Variants in TCEA3 observed in about 807,000 individuals in gnomAD.
TCEA3 encodes the protein transcription elongation factor A3.
A neutral mutation model predicts 44.0 loss-of-function variants in TCEA3; 36 were observed. That is an observed-to-expected ratio of 0.82 (90% CI 0.63 to 1.08). The LOEUF (loss-of-function observed/expected upper bound fraction) is 1.08, where lower values mean the gene tolerates loss of function less well. Among genes scored for constraint, TCEA3 ranks in the 50% least tolerant of loss-of-function variants. The pLI is 0.00. For synonymous variants in TCEA3, 162 were observed against 159.7 expected, an observed-to-expected ratio of 1.01 and a Z score of -0.11; for missense variants, 392 against 441.2, an observed-to-expected ratio of 0.89 and a Z score of 1.00.
intron 8 of TCEA3, among the ~76,000 whole-genome samples, chr1:23,392,388 A>ACC (rs1639060106): frequency 6.7e-4 from 4 of 6,000 alleles, no homozygotes; most frequent in South Asian, 4.7e-3. Flanking sequence ...CATCATACAC[A>ACC]AAACACACTC....
chr1:23,404,728 G>A (rs1639494676), intron 5 of TCEA3, among the ~76,000 whole-genome samples: 1 of 152,110 alleles, frequency 6.6e-6, no homozygotes, highest in Non-Finnish European at 1.5e-5. Flanking sequence ...GGTGGTTGAG[G>A]CAGGAGGATT....
At chr1:23,398,207 G>A (rs1393349154) in intron 5 of TCEA3, among the ~76,000 whole-genome samples, 1 of 152,116 alleles carries the variant, frequency 6.6e-6, no homozygotes, top group Non-Finnish European at 1.5e-5. Context: ...GTATCTAAAG[G>A]TGCACTTGGC....
At chr1:23,401,527 G>C (rs1639392889) in intron 5 of TCEA3, among the ~76,000 whole-genome samples, 1 of 152,058 alleles carries the variant, frequency 6.6e-6, no homozygotes, top group South Asian at 2.1e-4. Flanking sequence ...GTGAGGAAAG[G>C]CTGGACAGGG....
intron 7 of TCEA3, 57 bp downstream of exon 7, chr1:23,397,488 G>T: frequency 6.5e-7 from 1 of 1,537,810 alleles, no homozygotes; most frequent in South Asian, 1.2e-5. Flanking sequence ...CTTGCACCTT[G>T]GATGGGTGCT....
intron 8 of TCEA3, among the ~76,000 whole-genome samples, chr1:23,392,475 C>A (rs1026404194): frequency 4.8e-3 from 56 of 11,694 alleles, no homozygotes; most frequent in South Asian, 0.012. Context: ...ATCATACACA[C>A]CACACACTCC....
At chr1:23,424,133 TGCCACTTCTCGG>T (rs1223564231) in intron 1 of TCEA3, among the ~76,000 whole-genome samples, 2 of 151,272 alleles carry the variant, frequency 1.3e-5, no homozygotes, top group African/African-American at 4.9e-5. Flanking sequence ...CAAGTTTCTC[TGCCACTTCTCGG>T]GCCACCCGGA....
chr1:23,383,235 A>C (rs973027415), intron 10 of TCEA3, among the ~76,000 whole-genome samples: 9 of 149,818 alleles, frequency 6.0e-5, no homozygotes, highest in Non-Finnish European at 1.3e-4. Flanking sequence ...AGCAGAGATC[A>C]CACCACTGCA....
intron 10 of TCEA3, among the ~76,000 whole-genome samples, chr1:23,382,048 A>AT (rs1235082766): frequency 1.1e-5 from 1 of 89,734 alleles, no homozygotes; most frequent in Non-Finnish European, 3.2e-5. Context: ...TATCACTCCC[A>AT]ATTTTTTTTT....
At chr1:23,387,717 G>C (rs988092133) in intron 8 of TCEA3, among the ~76,000 whole-genome samples, 2 of 152,182 alleles carry the variant, frequency 1.3e-5, no homozygotes, top group African/African-American at 4.8e-5. Context: ...GGCTCATCCT[G>C]CCTGCCAGGA....
intron 1 of TCEA3, 146 bp from the exon 2 acceptor site, chr1:23,419,285 G>C: frequency 1.8e-6 from 1 of 560,672 alleles, no homozygotes; most frequent in Non-Finnish European, 3.1e-6. Context: ...GGAGAGAGAC[G>C]AGAAACAATC....
chr1:23,388,423 C>T (rs1326940445), intron 8 of TCEA3, among the ~76,000 whole-genome samples: 1 of 152,048 alleles, frequency 6.6e-6, no homozygotes, highest in African/African-American at 2.4e-5. Flanking sequence ...GTCTCGATCT[C>T]CTGACCTTGT....
rs6673904 is a variant in TCEA3, at chr1:23,413,004, C to T, written c.380+4245G>A. Among the ~76,000 whole-genome samples, 622 of 152,324 alleles carry T rather than the reference C, an allele frequency of 4.1e-3. 4 individuals are homozygous for T. Among genetic ancestry groups the T allele is most frequent in the African/African-American group, 0.014 (589 of 41,558 alleles). Reference sequence around the variant, plus strand: ...ATACCTCTCCATTTTCTGCTCAGCACCAGCGACAGCTTCATTTCTGAGCCC... The same window carrying T: ...ATACCTCTCCATTTTCTGCTCAGCATCAGCGACAGCTTCATTTCTGAGCCC... On this transcript the variant is annotated intron_variant, in intron 4 of 10. Coordinates refer to ENST00000450454, the MANE Select transcript of TCEA3 (RefSeq NM_003196.3).
intron 2 of TCEA3, 95 bp downstream of exon 2, chr1:23,418,982 C>T: frequency 1.2e-6 from 1 of 851,686 alleles, no homozygotes. Context: ...CTCAGAAATT[C>T]CTCCCAGACT....
intron 5 of TCEA3, among the ~76,000 whole-genome samples, chr1:23,406,617 C>T (rs901216590): frequency 6.6e-6 from 1 of 152,078 alleles, no homozygotes; most frequent in Non-Finnish European, 1.5e-5. Context: ...AATGACTCTA[C>T]AATTTTTGTT....
chr1:23,381,351 C>T lies in TCEA3; in HGVS notation c.*115G>A. 3 of 742,828 alleles carry T rather than the reference C, an allele frequency of 4.0e-6. No homozygotes were observed. Among genetic ancestry groups the T allele is most frequent in the South Asian group, 1.5e-5 (1 of 67,756 alleles). The allele number at this position is 742,828 out of a possible 1,614,324, so 46.0% of individuals were successfully genotyped here. ...ATTCTTCCTCTAACTCATACCATCC[C>T]ACTCAGACAGAGTTCAGTATTTTCC... On this transcript the variant is annotated 3_prime_UTR_variant, in exon 11 of 11. Coordinates refer to ENST00000450454, the MANE Select transcript of TCEA3 (RefSeq NM_003196.3).
At chr1:23,403,728 C>A (rs1639462467) in intron 5 of TCEA3, 2 of 205,880 alleles carry the variant, frequency 9.7e-6, no homozygotes, top group East Asian at 1.1e-4. Context: ...CTTCCAAATT[C>A]TTTTCAACAC....
chr1:23,393,762 T>C (rs1639132080), intron 8 of TCEA3, 117 bp downstream of exon 8: 4 of 1,362,126 alleles, frequency 2.9e-6, no homozygotes, highest in Non-Finnish European at 3.9e-6. Context: ...GAGATGAGGC[T>C]GGTTTGAAAA....
rs913984845 is a variant in TCEA3 at position 23,421,532 on chromosome 1, G to T, written c.70-2393C>A. On this transcript the variant is annotated intron_variant, in intron 1 of 10. Transcript: ENST00000450454. ...AAAAAAAAACTGACCTGTAGTGTTTGCCAATTTCTGTGGTGTAAACACTCA... is the reference window on the plus strand; with the variant it reads ...AAAAAAAAACTGACCTGTAGTGTTTTCCAATTTCTGTGGTGTAAACACTCA... Among the ~76,000 whole-genome samples, 7 of 151,830 alleles carry T rather than the reference G, an allele frequency of 4.6e-5. No homozygotes were observed. The South Asian group carries it at 1.5e-3, about 32-fold the overall frequency.
intron 7 of TCEA3, 120 bp downstream of exon 7, chr1:23,397,425 G>A (rs1419818065): frequency 1.2e-6 from 1 of 847,254 alleles, no homozygotes; most frequent in East Asian, 2.5e-5. Flanking sequence ...TTCAGGGGCA[G>A]AGCAGGGGCT....
Sources: gnomAD v4.1 joint callset for allele counts (sites outside exome capture counted in the v4.1 genomes callset) on GRCh38, gnomAD v4.1.1 for gene constraint, MANE v1.5 for transcripts, NCBI Gene and HGNC (gene_info 2026-07-23, HGNC 2026-07-21) for gene names.